KIAA1217: variants seen among roughly 807,000 people sequenced by gnomAD.
The protein encoded by KIAA1217 is sickle tail protein homolog.
Under a neutral mutation model 163.9 loss-of-function variants are expected in KIAA1217, and 88 were observed. The observed-to-expected ratio is 0.54, with a 90% CI of 0.45 to 0.64. The LOEUF is 0.64. Ranked by LOEUF, KIAA1217 falls within the 30% of genes least tolerant of loss-of-function variation. KIAA1217 has a pLI of 0.00. For synonymous variants in KIAA1217, 903 were observed against 923.1 expected, an observed-to-expected ratio of 0.98 and a Z score of 0.39; for missense variants, 2,372 against 2,475.0, an observed-to-expected ratio of 0.96 and a Z score of 0.88.
chr10:24,418,952 G>A (rs1042214976), intron 3 of KIAA1217, among the ~76,000 whole-genome samples: 2 of 151,826 alleles, frequency 1.3e-5, no homozygotes, highest in Non-Finnish European at 2.9e-5. Context: ...CGAGGCAGGC[G>A]GATTACCTAA....
chr10:24,273,801 C>T (rs2076999855), intron 2 of KIAA1217, among the ~76,000 whole-genome samples: 3 of 149,700 alleles, frequency 2.0e-5, no homozygotes, highest in Admixed American at 6.8e-5. Context: ...TGCAGTGAGC[C>T]GAGATCGTGC....
At chr10:24,060,824 T>TA (rs1296529982) in intron 2 of KIAA1217, among the ~76,000 whole-genome samples, 1 of 151,916 alleles carries the variant, frequency 6.6e-6, no homozygotes, top group Non-Finnish European at 1.5e-5. Flanking sequence ...AAACCCTGTT[T>TA]AAAAAAAACA....
chr10:24,279,264 G>T (rs1445987895), intron 2 of KIAA1217, among the ~76,000 whole-genome samples: 2 of 148,964 alleles, frequency 1.3e-5, no homozygotes, highest in African/African-American at 4.9e-5. Flanking sequence ...TGGTGGTGGT[G>T]TTTTTGTTTG....
chr10:23,962,197 C>G (rs916176105), intron 1 of KIAA1217, among the ~76,000 whole-genome samples: 1 of 152,308 alleles, frequency 6.6e-6, no homozygotes, highest in South Asian at 2.1e-4. Flanking sequence ...AATGTAGGCC[C>G]TAGAGTTGAA....
rs190832792 is a variant in KIAA1217 at position 23,992,969 on chromosome 10, G to T, written c.-320-14256G>T. 1.3e-4 allele frequency among the ~76,000 whole-genome samples: 19 copies of T among 149,442 alleles called. No homozygotes were observed. The East Asian group carries it at 3.1e-3, about 25-fold the overall frequency. On this transcript the variant is annotated intron_variant, in intron 1 of 18. Coordinates refer to the KIAA1217 transcript ENST00000376462. ...TTACTTTCTTTTTCTTTGCTTATAT[G>T]TCATTTAAGAGCCACTTGCAGTCAC...
intron 1 of KIAA1217, among the ~76,000 whole-genome samples, chr10:23,852,636 C>T (rs1588950126): frequency 6.6e-6 from 1 of 152,296 alleles, no homozygotes; most frequent in East Asian, 1.9e-4. Flanking sequence ...ATTGATTCTT[C>T]CTACCCATGA....
chr10:24,360,564 G>A (rs1016133751), intron 2 of KIAA1217, among the ~76,000 whole-genome samples: 6 of 152,152 alleles, frequency 3.9e-5, no homozygotes, highest in African/African-American at 1.4e-4. Context: ...GTTTGAACCA[G>A]GGCCATTTGG....
At chr10:24,311,526 G>A (rs1278406443) in intron 2 of KIAA1217, among the ~76,000 whole-genome samples, 3 of 152,218 alleles carry the variant, frequency 2.0e-5, no homozygotes, top group East Asian at 3.8e-4. Context: ...AGTAATGACC[G>A]AGCAGCTATG....
At position 24,056,092 on chromosome 10, in the gene KIAA1217, G is replaced by A. The variant is rs140716462; in HGVS notation, c.-171+48718G>A. Among the ~76,000 whole-genome samples, 138 of 152,262 alleles carry A rather than the reference G, an allele frequency of 9.1e-4. 1 individual carries two copies. The South Asian group carries it at 0.014, about 16-fold the overall frequency. ...TAAGTGAAAGTTGGAGCCATCATTT[G>A]CTTTAGTGGCCTCTCTCAATCCCCT... On this transcript the variant is annotated intron_variant, in intron 2 of 18. Transcript: ENST00000376462.
At chr10:23,793,986 C>T (rs971014862) in intron 1 of KIAA1217, among the ~76,000 whole-genome samples, 9 of 152,302 alleles carry the variant, frequency 5.9e-5, no homozygotes, top group Non-Finnish European at 8.8e-5. Context: ...TAAAAGCACC[C>T]GGATGCTTGT....
At chr10:24,475,304 A>C (rs2063892272) in intron 6 of KIAA1217, among the ~76,000 whole-genome samples, 1 of 152,224 alleles carries the variant, frequency 6.6e-6, no homozygotes, top group South Asian at 2.1e-4. Context: ...AAAAATGTTA[A>C]TATCACTTAC....
intron 1 of KIAA1217, among the ~76,000 whole-genome samples, chr10:23,735,285 G>A (rs1452511594): frequency 2.0e-5 from 3 of 151,862 alleles, no homozygotes; most frequent in Non-Finnish European, 4.4e-5. Flanking sequence ...CGGGGCTGGA[G>A]TACAGTGGTG....
intron 1 of KIAA1217, among the ~76,000 whole-genome samples, chr10:23,696,054 C>A (rs1836016243): frequency 6.6e-6 from 1 of 152,156 alleles, no homozygotes; most frequent in Non-Finnish European, 1.5e-5. Flanking sequence ...CGGGCGAGAC[C>A]CTGTCTGTTC....
chr10:24,196,172 C>CACACACAT (rs1222471443), intron 2 of KIAA1217, among the ~76,000 whole-genome samples: 123 of 146,656 alleles, frequency 8.4e-4, no homozygotes, highest in African/African-American at 2.9e-3. Flanking sequence ...CACACACACA[C>CACACACAT]TGCCCTCACA....
At chr10:24,487,943 A>C (rs2065616323) in intron 6 of KIAA1217, among the ~76,000 whole-genome samples, 1 of 152,196 alleles carries the variant, frequency 6.6e-6, no homozygotes, top group Non-Finnish European at 1.5e-5. Flanking sequence ...GCCCAGATGC[A>C]ATGGGGTTCA....
intron 5 of KIAA1217, among the ~76,000 whole-genome samples, chr10:24,460,089 C>T (rs1246833023): frequency 6.6e-6 from 1 of 152,192 alleles, no homozygotes; most frequent in Non-Finnish European, 1.5e-5. Context: ...GGCCTGGCCC[C>T]AAAACTAGCA....
At chr10:24,359,683 C>G (rs2049686003) in intron 2 of KIAA1217, among the ~76,000 whole-genome samples, 1 of 152,110 alleles carries the variant, frequency 6.6e-6, no homozygotes, top group South Asian at 2.1e-4. Flanking sequence ...TATAGGATTA[C>G]TTTAGATTCT....
chr10:24,029,927 G>T (rs1034631527), intron 2 of KIAA1217, among the ~76,000 whole-genome samples: 5 of 152,104 alleles, frequency 3.3e-5, no homozygotes, highest in African/African-American at 4.8e-5. Context: ...CCATGGTTAG[G>T]CCTCAGAGAG....
At chr10:23,711,605 T>C (rs541542758) in intron 1 of KIAA1217, among the ~76,000 whole-genome samples, 1 of 152,326 alleles carries the variant, frequency 6.6e-6, no homozygotes, top group South Asian at 2.1e-4. Context: ...GAAATTACTG[T>C]AGAAGGTTTG....
Sources: allele counts gnomAD v4.1 joint callset (sites outside exome capture counted in the v4.1 genomes callset), GRCh38; gene constraint gnomAD v4.1.1; transcripts MANE v1.5; gene names NCBI Gene and HGNC (gene_info 2026-07-23, HGNC 2026-07-21).